Variants in DSCC1 observed in about 807,000 individuals in gnomAD.
DSCC1 encodes sister chromatid cohesion protein DCC1.
In DSCC1, 32 loss-of-function variants were observed where a neutral mutation model predicts 48.2. The observed-to-expected ratio is 0.66, with a 90% CI of 0.50 to 0.89. The LOEUF (loss-of-function observed/expected upper bound fraction) is 0.89, where lower values mean the gene tolerates loss of function less well. Among genes scored for constraint, DSCC1 ranks in the 40% least tolerant of loss-of-function variants. DSCC1 has a pLI of 0.00. For synonymous variants in DSCC1, 150 were observed against 171.5 expected (o/e 0.87, Z 0.98); for missense variants, 421 against 471.7 (o/e 0.89, Z 1.00).
chr8:119,847,067 T>C lies in DSCC1; in HGVS notation c.500A>G (p.Asp167Gly), dbSNP rs1826867939. The C allele has an allele frequency of 6.2e-7, 1 of 1,613,148 alleles. No individual in the cohort carries two copies. The highest frequency in any genetic ancestry group is 1.3e-5 in the African/African-American group (1 of 75,048). The part of the protein sequence containing the change: ...DSNSSKYTTE[D>G]LLDQIQASEE... ...ACTTGCCTGAATTTGATCAAGCAAA[T>C]CTTCAGTTGTATACTGCAAAAAGAA... The change falls in exon 4 of 9, where the codon GAT (aspartate) becomes GGT (glycine). Residue 167 changes from aspartate (D) to glycine (G), a missense_variant. This residue lies in a region of DSCC1 where 9 missense variants were observed against 28.2 expected (regional missense o/e 0.32). Coordinates refer to ENST00000313655, the MANE Select transcript of DSCC1 (RefSeq NM_024094.3).
chr8:119,851,674 C>T (rs1158206304), intron 2 of DSCC1, among the ~76,000 whole-genome samples: 2 of 152,176 alleles, frequency 1.3e-5, no homozygotes, highest in Non-Finnish European at 2.9e-5. Context: ...CGTCCACCTA[C>T]TTGGGGACTG....
intron 2 of DSCC1, 147 bp downstream of exon 2, chr8:119,852,900 A>AATC: frequency 1.6e-6 from 1 of 634,334 alleles, no homozygotes. Context: ...TAATAATAAT[A>AATC]ATGCTGAGAA....
chr8:119,834,412 T>G lies in DSCC1; in HGVS notation c.*481A>C. On this transcript the variant is annotated 3_prime_UTR_variant, in exon 9 of 9. Transcript: ENST00000313655. ...ATTTCATGGATGTAAACGATGGATA[T>G]AAATAATTGATAGCACCTAGAGGCT... 1 of 154,820 alleles carries G rather than the reference T, an allele frequency of 6.5e-6. No individual in the cohort carries two copies. The highest frequency in any genetic ancestry group is 1.4e-5 in the Non-Finnish European group (1 of 70,042). 9.6% of individuals were successfully genotyped at this position (154,820 alleles called of 1,614,324 possible). A position where few individuals can be genotyped will look rare whatever the true frequency, so the allele number is the denominator to read the frequency against.
At chr8:119,847,866 T>C (rs1826881700) in intron 3 of DSCC1, among the ~76,000 whole-genome samples, 1 of 152,086 alleles carries the variant, frequency 6.6e-6, no homozygotes, top group African/African-American at 2.4e-5. Context: ...GGTTTCTCCG[T>C]GTAGGTCAGG....
In DSCC1 at chr8:119,834,713, T is replaced by C; in HGVS notation, c.*180A>G. The stretch of plus-strand genomic sequence containing the variant: ...CTGTGTACATAGTACAAATATAATT[T>C]TAAAGCTACATCCTATAACATTTAA... On this transcript the variant is annotated 3_prime_UTR_variant, in exon 9 of 9. Transcript: ENST00000313655. 1.7e-6 allele frequency: 1 copy of C among 587,554 alleles called. No individual in the cohort carries two copies. The highest frequency in any genetic ancestry group is 3.0e-6 in the Non-Finnish European group (1 of 331,122). The allele number at this position is 587,554 out of a possible 1,614,324, so 36.4% of individuals were successfully genotyped here. A position where few individuals can be genotyped will look rare whatever the true frequency, so the allele number is the denominator to read the frequency against.
rs1586584661 is a variant in DSCC1 at position 119,853,218 on chromosome 8, G to A, written c.183-3C>T. 6.3e-7 allele frequency: 1 copy of A among 1,597,858 alleles called. No homozygotes were observed. The highest frequency in any genetic ancestry group is 8.5e-7 in the Non-Finnish European group (1 of 1,169,988). On this transcript the variant is annotated splice_polypyrimidine_tract_variant and splice_region_variant and intron_variant, in intron 1 of 8. Transcript: ENST00000313655. ...CTTTATCACCACGAATCACAAGACT[G>A]TAGCAAAATGGGGGAAAAATATATA...
At chr8:119,854,698 A>C (rs1436675318) in intron 1 of DSCC1, among the ~76,000 whole-genome samples, 2 of 152,186 alleles carry the variant, frequency 1.3e-5, no homozygotes, top group African/African-American at 4.8e-5. Context: ...AACTGGACCG[A>C]GAGAAAGTCC....
chr8:119,844,372 G>A (rs111437422), intron 4 of DSCC1, among the ~76,000 whole-genome samples: 2,872 of 150,278 alleles, frequency 0.019, 45 homozygotes, highest in Middle Eastern at 0.051. Flanking sequence ...CTGGGAGGCC[G>A]AGGTTGTAGT....
chr8:119,843,783 T>C (rs1248818506), intron 4 of DSCC1, 36 bp from the exon 5 acceptor site: 1 of 1,492,456 alleles, frequency 6.7e-7, no homozygotes, highest in Non-Finnish European at 9.1e-7. Flanking sequence ...CCAAAGAACT[T>C]TTTTTTTTTT....
chr8:119,845,939 A>G (rs1826849922), intron 4 of DSCC1, among the ~76,000 whole-genome samples: 1 of 151,882 alleles, frequency 6.6e-6, no homozygotes, highest in Admixed American at 6.6e-5. Flanking sequence ...ACAGAGTGAG[A>G]CTCCATCCAA....
At chr8:119,851,536 G>C (rs1826943595) in intron 2 of DSCC1, among the ~76,000 whole-genome samples, 1 of 152,154 alleles carries the variant, frequency 6.6e-6, no homozygotes, top group African/African-American at 2.4e-5. Context: ...GTTTCAATTA[G>C]ATGCCAACAT....
chr8:119,855,577 G>A, intron 1 of DSCC1, 37 bp downstream of exon 1: 3 of 1,519,130 alleles, frequency 2.0e-6, no homozygotes, highest in East Asian at 2.5e-5. Flanking sequence ...TAACGTGGCC[G>A]GCCAGAGGCT....
chr8:119,842,948 G>C, intron 5 of DSCC1, 120 bp from the exon 6 acceptor site: 5 of 795,568 alleles, frequency 6.3e-6, no homozygotes, highest in Non-Finnish European at 1.0e-5. Flanking sequence ...AAGTGATTTT[G>C]GTTGCCAAAT....
intron 4 of DSCC1, among the ~76,000 whole-genome samples, chr8:119,846,113 C>CT (rs531156237): frequency 0.42 from 49,383 of 117,344 alleles, 10,799 homozygotes; most frequent in South Asian, 0.65. Context: ...TGTCTAAGGA[C>CT]TTTTTTTTTT....
chr8:119,843,799 A>G, intron 4 of DSCC1, 52 bp from the exon 5 acceptor site: 1 of 1,562,092 alleles, frequency 6.4e-7, no homozygotes, highest in Non-Finnish European at 8.7e-7. Flanking sequence ...TTTTTAAGGC[A>G]GGGTCTCAAC....
chr8:119,845,370 C>T lies in DSCC1; in HGVS notation c.577+1620G>A, dbSNP rs117155630. On this transcript the variant is annotated intron_variant, in intron 4 of 8. Transcript: ENST00000313655. ...AAAGGGCTGGGACTACAGGCATGAG[C>T]CACTATGCCTGGCCATGAAATGCCA... 3.0e-3 allele frequency among the ~76,000 whole-genome samples: 453 copies of T among 152,188 alleles called. 1 individual carries two copies. Among genetic ancestry groups the T allele is most frequent in the Non-Finnish European group, 4.7e-3 (318 of 68,006 alleles).
rs1239770482 is a variant in DSCC1, at chr8:119,842,557, A to AT, written c.769+218dup. Among the ~76,000 whole-genome samples, 316 of 150,120 alleles carry AT rather than the reference A, an allele frequency of 2.1e-3. 1 individual carries two copies. The highest frequency in any genetic ancestry group is 7.2e-3 in the African/African-American group (296 of 40,914). ...ACTGCCACACCCAGCTAATTTTTGG[A>AT]TTTTTTTTTGTGGAGACAGCATTTT... On this transcript the variant is annotated intron_variant, in intron 6 of 8. Coordinates refer to ENST00000313655, the MANE Select transcript of DSCC1 (RefSeq NM_024094.3).
chr8:119,855,398 C>T, intron 1 of DSCC1, among the ~76,000 whole-genome samples: 1 of 152,210 alleles, frequency 6.6e-6, no homozygotes, highest in East Asian at 1.9e-4. Flanking sequence ...CTGACACATG[C>T]CTCCAAGGTC....
At chr8:119,852,060 A>C (rs1826949164) in intron 2 of DSCC1, among the ~76,000 whole-genome samples, 1 of 152,184 alleles carries the variant, frequency 6.6e-6, no homozygotes. Context: ...TATTCTAGTA[A>C]CATCATATGA....
Sources: gnomAD v4.1 joint callset for allele counts (sites outside exome capture counted in the v4.1 genomes callset) on GRCh38, gnomAD v4.1.1 for gene constraint, gnomAD v4.1.1 regional missense constraint, MANE v1.5 for transcripts, NCBI Gene and HGNC (gene_info 2026-07-23, HGNC 2026-07-21) for gene names.